Variants in GGA3 observed in about 807,000 individuals in gnomAD.
GGA3 encodes ADP-ribosylation factor-binding protein GGA3.
A neutral mutation model predicts 77.5 loss-of-function variants in GGA3; 57 were observed. The observed-to-expected ratio is 0.74, with a 90% CI of 0.59 to 0.92. The LOEUF (loss-of-function observed/expected upper bound fraction) is 0.92, where lower values mean the gene tolerates loss of function less well. Ranked by LOEUF, GGA3 falls within the 40% of genes least tolerant of loss-of-function variation. GGA3 has a pLI of 0.00. For synonymous variants in GGA3, 416 were observed against 383.7 expected, an observed-to-expected ratio of 1.08 and a Z score of -0.98; for missense variants, 970 against 914.9, an observed-to-expected ratio of 1.06 and a Z score of -0.78.
At chr17:75,257,277 T>G (rs1185531711) in intron 1 of GGA3, among the ~76,000 whole-genome samples, 10 of 29,640 alleles carry the variant, frequency 3.4e-4, no homozygotes, top group East Asian at 2.6e-3. Flanking sequence ...ACTTAGACTG[T>G]GCCCCCCCCC....
intron 1 of GGA3, among the ~76,000 whole-genome samples, chr17:75,252,923 T>G (rs1039256505): frequency 2.0e-5 from 3 of 152,188 alleles, no homozygotes; most frequent in Non-Finnish European, 4.4e-5. Context: ...CTATAAGAAC[T>G]AATGATAATC....
At position 75,242,480 on chromosome 17, in the gene GGA3, C is replaced by T; in HGVS notation, c.610-7G>A. The T allele has an allele frequency of 6.2e-7, 1 of 1,614,182 alleles. No homozygotes were observed. Among genetic ancestry groups the T allele is most frequent in the Non-Finnish European group, 8.5e-7 (1 of 1,180,002 alleles). ...TCTGGATCCGTGCCTCGTCCTGCCC[C>T]AGTGAAGAAGTTCAAGAGAAAGAGA... is the stretch of plus-strand genomic sequence containing the variant. On this transcript the variant is annotated splice_region_variant and splice_polypyrimidine_tract_variant and intron_variant, in intron 7 of 16. Transcript: ENST00000537686.
rs1392356171 is a variant in GGA3, at chr17:75,241,525, GGAAA to G, written c.830-13_830-10del. The stretch of plus-strand genomic sequence containing the variant: ...GGCTTGCAGGATGTCCCCTGGAGCA[GGAAA>G]GAGAGACTTCTCACTCCTGTTGTGA... On this transcript the variant is annotated splice_polypyrimidine_tract_variant and intron_variant, in intron 9 of 16. Coordinates refer to ENST00000537686, the MANE Select transcript of GGA3 (RefSeq NM_138619.4). 3.7e-6 allele frequency: 6 copies of G among 1,608,410 alleles called. No homozygotes were observed. The African/African-American group carries it at 6.7e-5, about 18-fold the overall frequency.
At chr17:75,238,520 T>A in intron 16 of GGA3, 131 bp from the exon 17 acceptor site, 1 of 979,686 alleles carries the variant, frequency 1.0e-6, no homozygotes, top group Non-Finnish European at 1.6e-6. Context: ...CTCAGACACT[T>A]AACCTAAGGC....
At position 75,239,338 on chromosome 17, in the gene GGA3, C is replaced by T. The variant is rs760256471; in HGVS notation, c.1780+37G>A. On this transcript the variant is annotated intron_variant, in intron 14 of 16. Coordinates refer to ENST00000537686, the MANE Select transcript of GGA3 (RefSeq NM_138619.4). ...GTCCTACAGCTCCGTGGCTATAGGC[C>T]CCACCGCCCCACCCACCTCAATCCT... 3.4e-6 allele frequency: 5 copies of T among 1,479,850 alleles called. No individual in the cohort carries two copies. In the South Asian group the frequency reaches 6.7e-5, roughly 20 times the overall value. 91.7% of individuals were successfully genotyped at this position (1,479,850 alleles called of 1,614,324 possible).
chr17:75,237,588 C>T lies in GGA3; in HGVS notation c.*691G>A. On this transcript the variant is annotated 3_prime_UTR_variant, in exon 17 of 17. Transcript: ENST00000537686. The stretch of plus-strand genomic sequence containing the variant: ...TTTTCCTTCCTATCCCTAGTTGGGC[C>T]TGTCATGAGGCCAAATTCCATGTCC... 6.5e-7 allele frequency: 1 copy of T among 1,534,696 alleles called. No individual in the cohort carries two copies. The highest frequency in any genetic ancestry group is 8.7e-7 in the Non-Finnish European group (1 of 1,146,068).
intron 4 of GGA3, 79 bp from the exon 5 acceptor site, chr17:75,243,649 G>A: frequency 7.0e-7 from 1 of 1,428,544 alleles, no homozygotes; most frequent in Non-Finnish European, 9.6e-7. Flanking sequence ...CCACAGCAAT[G>A]GCGTGGCTGC....
intron 1 of GGA3, among the ~76,000 whole-genome samples, chr17:75,257,928 A>G (rs573908377): frequency 6.6e-6 from 1 of 152,316 alleles, no homozygotes; most frequent in African/African-American, 2.4e-5. Context: ...GGCCTGACGT[A>G]ACTGAAGATC....
Position 75,239,488 on chromosome 17 carries a change from C to T in GGA3, c.1667G>A (p.Gly556Glu), listed in dbSNP as rs1425986942. ...PARPLLPFST[G>E]PGSPLFQPLS... ...TGGCTGGAAGAGCGGGCTGCCGGGCCCCGTGGAGAAGGGCAGGAGGGGCCT... is the reference window on the plus strand; with the variant it reads ...TGGCTGGAAGAGCGGGCTGCCGGGCTCCGTGGAGAAGGGCAGGAGGGGCCT... Residue 556 changes from glycine (G) to glutamate (E), a missense_variant, in exon 14 of 17, where the codon GGG becomes GAG. Physicochemically the swap from Gly to Glu is moderately conservative, Grantham distance 98 (BLOSUM62 -2). Coordinates refer to ENST00000537686, the MANE Select transcript of GGA3 (RefSeq NM_138619.4). The T allele has an allele frequency of 6.3e-7, 1 of 1,578,634 alleles. No individual in the cohort carries two copies. Among genetic ancestry groups the T allele is most frequent in the South Asian group, 1.2e-5 (1 of 86,038 alleles).
chr17:75,249,100 C>T, intron 1 of GGA3: 1 of 638,864 alleles, frequency 1.6e-6, no homozygotes, highest in Non-Finnish European at 1.9e-6. Context: ...GGCTGGAGTG[C>T]AGTGGCGCGA....
chr17:75,243,278 G>A (rs1567787494), intron 5 of GGA3, 112 bp from the exon 6 acceptor site: 19 of 1,112,968 alleles, frequency 1.7e-5, no homozygotes, highest in Non-Finnish European at 2.4e-5. Flanking sequence ...GTAGCAGGGT[G>A]GAGGGCAGGC....
In GGA3 at chr17:75,244,791, G is replaced by A. The variant is rs2076698383; in HGVS notation, c.202-74C>T. On this transcript the variant is annotated intron_variant, in intron 3 of 16. Coordinates refer to ENST00000537686, the MANE Select transcript of GGA3 (RefSeq NM_138619.4). Reference sequence around the variant, plus strand: ...GGAACCTGGCACTGGCAAGATCCCTGGCACCCAGAGAGTACTGAATAAACA... The same window carrying A: ...GGAACCTGGCACTGGCAAGATCCCTAGCACCCAGAGAGTACTGAATAAACA... 3 of 939,016 alleles carry A rather than the reference G, an allele frequency of 3.2e-6. No homozygotes were observed. The South Asian group carries it at 3.9e-5, about 12-fold the overall frequency. The allele number at this position is 939,016 out of a possible 1,614,324, so 58.2% of individuals were successfully genotyped here.
intron 15 of GGA3, 23 bp from the exon 16 acceptor site, chr17:75,238,785 G>A (rs1485096604): frequency 6.3e-7 from 1 of 1,593,228 alleles, no homozygotes; most frequent in South Asian, 1.1e-5. Context: ...AAACTCCTTT[G>A]AAGAGAACTG....
intron 1 of GGA3, among the ~76,000 whole-genome samples, chr17:75,248,221 C>T (rs951195821): frequency 1.3e-5 from 2 of 152,048 alleles, no homozygotes; most frequent in African/African-American, 4.8e-5. Context: ...CCTGTAATCC[C>T]AGCACTTTGG....
chr17:75,247,786 T>G lies in GGA3; in HGVS notation c.41-990A>C, dbSNP rs149420461. The stretch of plus-strand genomic sequence containing the variant: ...CATGGTCAAGCACAAACACAAGTAC[T>G]AGAGTTCTCAGAGGGCCCCTGGGAT... On this transcript the variant is annotated intron_variant, in intron 1 of 16. Transcript: ENST00000537686. Among the ~76,000 whole-genome samples, 1,083 of 152,222 alleles carry G rather than the reference T, an allele frequency of 7.1e-3. 11 individuals carry two copies. The highest frequency in any genetic ancestry group is 0.014 in the South Asian group (66 of 4,828).
chr17:75,255,906 C>T (rs576505823), intron 1 of GGA3, among the ~76,000 whole-genome samples: 1 of 152,352 alleles, frequency 6.6e-6, no homozygotes, highest in Non-Finnish European at 1.5e-5. Flanking sequence ...ATCCATTAGG[C>T]TCAGCAAATT....
intron 5 of GGA3, 54 bp downstream of exon 5, chr17:75,243,393 G>C (rs1251212273): frequency 1.8e-5 from 29 of 1,608,000 alleles, no homozygotes; most frequent in Non-Finnish European, 2.1e-5. Context: ...TTCTCTCCTT[G>C]CCTGGGCCAG....
At chr17:75,245,693 T>A (rs993464389) in intron 3 of GGA3, among the ~76,000 whole-genome samples, 2 of 152,084 alleles carry the variant, frequency 1.3e-5, no homozygotes, top group Non-Finnish European at 2.9e-5. Flanking sequence ...CCTGGCTGAT[T>A]TTTTTATTTT....
At chr17:75,258,215 G>A (rs2077223061) in intron 1 of GGA3, among the ~76,000 whole-genome samples, 2 of 152,158 alleles carry the variant, frequency 1.3e-5, no homozygotes, top group African/African-American at 4.8e-5. Context: ...CTGCATCCAG[G>A]TGAAATAAAC....
Sources: allele counts gnomAD v4.1 joint callset (sites outside exome capture counted in the v4.1 genomes callset), GRCh38; gene constraint gnomAD v4.1.1; transcripts MANE v1.5; gene names NCBI Gene and HGNC (gene_info 2026-07-23, HGNC 2026-07-21).